The following VPS13B variants were observed in gnomAD, a reference collection of about 807,000 sequenced individuals.
VPS13B encodes the protein intermembrane lipid transfer protein VPS13B.
VPS13B carries 285 observed loss-of-function variants against 426.4 expected under a neutral mutation model. That is an observed-to-expected ratio of 0.67 (90% CI 0.61 to 0.74). The LOEUF is 0.74. Ranked by LOEUF, VPS13B falls within the 30% of genes least tolerant of loss-of-function variation. The pLI, the probability that VPS13B is intolerant of heterozygous loss-of-function variation, is 0.00. For missense variants in VPS13B, 4,537 were observed against 4,782.6 expected (o/e 0.95, Z 1.51); for synonymous variants, 1,676 against 1,676.4 (o/e 1.00, Z 0.01).
chr8:99,713,246 G>A (rs1832776289), intron 36 of VPS13B, among the ~76,000 whole-genome samples: 1 of 152,140 alleles, frequency 6.6e-6, no homozygotes. Flanking sequence ...TGTATGCTTT[G>A]TAGACAAAAT....
Position 99,875,585 on chromosome 8 carries a change from G to C in VPS13B, c.11913G>C (p.Leu3971=), listed in dbSNP as rs777897115. The C allele has an allele frequency of 6.2e-7, 1 of 1,614,132 alleles. No homozygotes were observed. The highest frequency in any genetic ancestry group is 8.5e-7 in the Non-Finnish European group (1 of 1,180,020). The change falls in exon 62 of 62, where the codon CTG becomes CTC. Residue 3971 remains leucine, a synonymous_variant. Coordinates refer to ENST00000357162, the MANE Select transcript of VPS13B (RefSeq NM_152564.5). The part of the protein sequence containing the change: ...PPSTVKTYHY[L]VDPHFAQVFL... ...CCACTGTTAAAACATACCATTACCTGGTTGATCCACATTTTGCTCAGGTCT... is the reference window on the plus strand; with the variant it reads ...CCACTGTTAAAACATACCATTACCTCGTTGATCCACATTTTGCTCAGGTCT...
chr8:99,390,661 T>C (rs1349321296), intron 20 of VPS13B, among the ~76,000 whole-genome samples: 1 of 152,168 alleles, frequency 6.6e-6, no homozygotes, highest in Admixed American at 6.5e-5. Context: ...GCCACCAGAT[T>C]CACCATCTGA....
intron 19 of VPS13B, among the ~76,000 whole-genome samples, chr8:99,328,177 T>C (rs1197821513): frequency 6.6e-6 from 1 of 151,980 alleles, no homozygotes; most frequent in Non-Finnish European, 1.5e-5. Flanking sequence ...GGATCTAGGC[T>C]GCACGCTCCT....
chr8:99,620,218 T>G (rs1257483402), intron 33 of VPS13B, among the ~76,000 whole-genome samples: 5 of 152,188 alleles, frequency 3.3e-5, no homozygotes, highest in Non-Finnish European at 5.9e-5. Flanking sequence ...TAAAAACCAC[T>G]GAGGGTGACT....
intron 17 of VPS13B, among the ~76,000 whole-genome samples, chr8:99,242,069 C>T (rs1194622497): frequency 2.6e-5 from 4 of 152,160 alleles, no homozygotes; most frequent in Non-Finnish European, 5.9e-5. Flanking sequence ...CAACCTCCGC[C>T]TCCCGGGTTC....
At chr8:99,870,635 A>G in intron 59 of VPS13B, 150 bp from the exon 60 acceptor site, 1 of 694,394 alleles carries the variant, frequency 1.4e-6, no homozygotes, top group Non-Finnish European at 2.6e-6. Flanking sequence ...TGTAATGTTT[A>G]ATGATTATCT....
intron 17 of VPS13B, among the ~76,000 whole-genome samples, chr8:99,245,600 G>A (rs1432772285): frequency 2.6e-5 from 4 of 152,030 alleles, no homozygotes; most frequent in East Asian, 3.8e-4. Flanking sequence ...TTGCTCTGTC[G>A]CCCAGGCTGG....
intron 23 of VPS13B, among the ~76,000 whole-genome samples, chr8:99,462,835 G>T (rs113199751): frequency 6.6e-6 from 1 of 152,134 alleles, no homozygotes; most frequent in Non-Finnish European, 1.5e-5. Flanking sequence ...TCTCTTGGTC[G>T]TGTGAGAACA....
intron 17 of VPS13B, among the ~76,000 whole-genome samples, chr8:99,211,816 T>A (rs1310459810): frequency 6.6e-6 from 1 of 152,218 alleles, no homozygotes; most frequent in Admixed American, 6.5e-5. Context: ...TCAGTACTTT[T>A]GTTCTTTCAG....
chr8:99,352,427 G>A (rs1811941409), intron 19 of VPS13B, among the ~76,000 whole-genome samples: 1 of 152,010 alleles, frequency 6.6e-6, no homozygotes, highest in Admixed American at 6.6e-5. Flanking sequence ...GTCATAAATA[G>A]TCCCATAGAG....
intron 39 of VPS13B, among the ~76,000 whole-genome samples, chr8:99,725,118 G>A (rs554405503): frequency 6.6e-6 from 1 of 152,250 alleles, no homozygotes; most frequent in African/African-American, 2.4e-5. Context: ...ACATGATAAA[G>A]CCCTCCTCTG....
chr8:99,050,805 T>C (rs1396196091), intron 3 of VPS13B, among the ~76,000 whole-genome samples: 1 of 152,272 alleles, frequency 6.6e-6, no homozygotes, highest in Non-Finnish European at 1.5e-5. Flanking sequence ...CAAGTTTTCA[T>C]GTGTCTTTTG....
intron 28 of VPS13B, among the ~76,000 whole-genome samples, chr8:99,510,372 T>C (rs1200283384): frequency 6.6e-6 from 1 of 152,230 alleles, no homozygotes; most frequent in Admixed American, 6.5e-5. Flanking sequence ...AAATATGTAA[T>C]GTGGTTATTT....
At position 99,143,057 on chromosome 8, in the gene VPS13B, A is replaced by G. The variant is rs750419805; in HGVS notation, c.1735A>G (p.Ile579Val). Residue 579 changes from isoleucine (I) to valine (V), a missense_variant, in exon 13 of 62, where the codon ATA (isoleucine) becomes GTA (valine). Ile to Val is a conservative substitution (Grantham distance 29, BLOSUM62 3). Around this residue, in one of 2 missense-constraint regions of VPS13B, gnomAD observed 4,311 missense variants for 4,474.3 expected, o/e 0.96. Coordinates refer to ENST00000357162, the MANE Select transcript of VPS13B (RefSeq NM_152564.5). ...VQEKSTKSLV[I>V]GPLDFRLDSS... The stretch of plus-strand genomic sequence containing the variant: ...GGAGAAGTCCACCAAAAGCCTTGTT[A>G]TAGGTCCTCTTGATTTTCGTTTGGA... 1.9e-5 allele frequency: 30 copies of G among 1,613,926 alleles called. No individual in the cohort carries two copies. The highest frequency in any genetic ancestry group is 2.5e-5 in the Non-Finnish European group (30 of 1,179,958).
chr8:99,411,993 G>C (rs1311441367), intron 21 of VPS13B, among the ~76,000 whole-genome samples: 1 of 152,176 alleles, frequency 6.6e-6, no homozygotes, highest in Non-Finnish European at 1.5e-5. Context: ...GATGCCTCCA[G>C]CTTTGTTCTT....
chr8:99,865,682 CA>C (rs550732175), intron 58 of VPS13B, among the ~76,000 whole-genome samples: 3 of 151,830 alleles, frequency 2.0e-5, no homozygotes, highest in African/African-American at 7.3e-5. Context: ...CTGTTCTGGT[CA>C]AAAAAAAGAA....
At chr8:99,094,617 AGCCAT>A (rs914385914) in intron 3 of VPS13B, among the ~76,000 whole-genome samples, 25 of 152,266 alleles carry the variant, frequency 1.6e-4, no homozygotes, top group African/African-American at 4.8e-4. Flanking sequence ...TACCATCTGA[AGCCAT>A]GCTGTTTTGT....
At chr8:99,428,193 A>G (rs1354747592) in intron 21 of VPS13B, among the ~76,000 whole-genome samples, 4 of 152,206 alleles carry the variant, frequency 2.6e-5, no homozygotes, top group Non-Finnish European at 5.9e-5. Context: ...CCTAGAAGAA[A>G]TCCTAGGCAG....
At chr8:99,334,365 G>A (rs1810703596) in intron 19 of VPS13B, among the ~76,000 whole-genome samples, 1 of 151,936 alleles carries the variant, frequency 6.6e-6, no homozygotes, top group African/African-American at 2.4e-5. Flanking sequence ...ACCTTCCTTT[G>A]TGAAGTGTCT....
Sources: gnomAD v4.1 joint callset for allele counts (sites outside exome capture counted in the v4.1 genomes callset) on GRCh38, gnomAD v4.1.1 for gene constraint, gnomAD v4.1.1 regional missense constraint, MANE v1.5 for transcripts, NCBI Gene and HGNC (gene_info 2026-07-23, HGNC 2026-07-21) for gene names.